The following LRIF1 variants were observed in gnomAD, a reference collection of about 807,000 sequenced individuals.
LRIF1 encodes the protein ligand-dependent nuclear receptor-interacting factor 1.
LRIF1 carries 32 observed loss-of-function variants against 52.7 expected under a neutral mutation model. The ratio of observed to expected loss-of-function variants is 0.61; its 90% CI spans 0.46 to 0.82. The LOEUF (loss-of-function observed/expected upper bound fraction) is 0.82. LRIF1 is among the 40% of genes least tolerant of loss of function. LRIF1 has a pLI of 0.00. For missense variants in LRIF1, 887 were observed against 892.0 expected, an observed-to-expected ratio of 0.99 and a Z score of 0.07; for synonymous variants, 323 against 317.4, an observed-to-expected ratio of 1.02 and a Z score of -0.19.
the LRIF1 span, chr1:110,937,546 C>G: frequency 6.6e-6 from 1 of 152,032 alleles, no homozygotes; most frequent in African/African-American, 2.4e-5. Flanking sequence ...AATGGAAACA[C>G]AACATACCAA....
the LRIF1 span, chr1:110,891,573 G>A: frequency 1.1e-5 from 9 of 853,118 alleles, no homozygotes; most frequent in East Asian, 2.0e-4. Flanking sequence ...ATGCATGCGT[G>A]TTTGGGTCAT....
chr1:110,892,446 G>A, the LRIF1 span: 8 of 1,614,030 alleles, frequency 5.0e-6, no homozygotes, highest in Non-Finnish European at 6.8e-6. Context: ...TGGGCAATGT[G>A]TTTGTCATCG....
intron 1 of LRIF1, among the ~76,000 whole-genome samples, chr1:110,954,054 A>G (rs1296634326): frequency 6.6e-6 from 1 of 152,168 alleles, no homozygotes; most frequent in Non-Finnish European, 1.5e-5. Context: ...GATCAAATAA[A>G]TACAAAAGTT....
At chr1:110,892,343 AG>A in the LRIF1 span, 4 of 1,612,968 alleles carry the variant, frequency 2.5e-6, no homozygotes, top group Non-Finnish European at 3.4e-6. Flanking sequence ...TCTTCCTTTC[AG>A]ATCTGTGGCT....
At position 110,951,559 on chromosome 1, in the gene LRIF1, G is replaced by A. The variant is rs753804783; in HGVS notation, c.1325C>T (p.Ala442Val). 2.5e-6 allele frequency: 4 copies of A among 1,614,110 alleles called. No homozygotes were observed. In the South Asian group the frequency reaches 4.4e-5, roughly 18 times the overall value. The change falls in exon 2 of 4, where the codon GCA becomes GTA. Residue 442 changes from alanine to valine, a missense_variant. Physicochemically the swap from Ala to Val is moderately conservative, Grantham distance 64 (BLOSUM62 0). Transcript: ENST00000369763. ...TGGTTTCTCCACTTTATTCTTCTCT[G>A]CCCTTAGATTGGCCATGGAAGCAAG... ...TQLASMANLR[A>V]EKNKVEKPSP...
the LRIF1 span, among the ~76,000 whole-genome samples, chr1:110,892,001 A>G: frequency 6.6e-6 from 1 of 152,236 alleles, no homozygotes; most frequent in Non-Finnish European, 1.5e-5. Context: ...CATCTTCTCT[A>G]CATGGTCATG....
chr1:110,930,428 G>A, the LRIF1 span, among the ~76,000 whole-genome samples: 5 of 152,148 alleles, frequency 3.3e-5, no homozygotes, highest in African/African-American at 9.7e-5. Flanking sequence ...CGTTTGTGGT[G>A]AGGGCTCTTT....
chr1:110,962,541 A>G (rs960603461), intron 1 of LRIF1, among the ~76,000 whole-genome samples: 1 of 152,218 alleles, frequency 6.6e-6, no homozygotes, highest in Non-Finnish European at 1.5e-5. Context: ...GTACAGAATT[A>G]AAGTTGTATG....
chr1:110,913,962 T>C, the LRIF1 span, among the ~76,000 whole-genome samples: 17 of 152,206 alleles, frequency 1.1e-4, no homozygotes, highest in African/African-American at 3.6e-4. Context: ...AACACAACCA[T>C]AAAAAAGAAC....
the LRIF1 span, among the ~76,000 whole-genome samples, chr1:110,879,764 C>T: frequency 2.6e-5 from 4 of 151,986 alleles, no homozygotes; most frequent in East Asian, 7.7e-4. Context: ...GACAGGGTCT[C>T]TCTATGTTGT....
the LRIF1 span, chr1:110,941,046 ATTAT>A: frequency 6.6e-6 from 1 of 152,042 alleles, no homozygotes; most frequent in Non-Finnish European, 1.5e-5. Flanking sequence ...TCATGATGTG[ATTAT>A]TTCTCATTAC....
At chr1:110,938,822 C>A in the LRIF1 span, 1 of 151,984 alleles carries the variant, frequency 6.6e-6, no homozygotes, top group East Asian at 1.9e-4. Flanking sequence ...AAGACTCCAC[C>A]AAAAAACTAT....
the LRIF1 span, among the ~76,000 whole-genome samples, chr1:110,921,281 A>G: frequency 6.6e-6 from 1 of 152,110 alleles, no homozygotes; most frequent in Non-Finnish European, 1.5e-5. Context: ...CAGAAATAGT[A>G]TGAATAACTT....
At chr1:110,877,446 T>C in the LRIF1 span, among the ~76,000 whole-genome samples, 4 of 152,222 alleles carry the variant, frequency 2.6e-5, no homozygotes, top group Non-Finnish European at 5.9e-5. Flanking sequence ...CTCTGGTCTC[T>C]TGACTCTGTA....
chr1:110,951,389 T>A lies in LRIF1; in HGVS notation c.1495A>T (p.Arg499Ter). ...PRKVTAVIYA[R>*]KGSVLQSIEK... ...ATGCTCTGGAGGACACTTCCTTTTC[T>A]AGCATAAATGACGGCTGTTACTTTT... Residue 499 changes from arginine to a stop codon, truncating the protein, a stop_gained, in exon 2 of 4, where the codon AGA becomes TGA. Coordinates refer to ENST00000369763, the MANE Select transcript of LRIF1 (RefSeq NM_018372.4). LOFTEE classifies it high-confidence loss of function. The A allele has an allele frequency of 1.2e-6, 2 of 1,614,164 alleles. No individual in the cohort carries two copies. The highest frequency in any genetic ancestry group is 8.5e-7 in the Non-Finnish European group (1 of 1,179,994).
the LRIF1 span, among the ~76,000 whole-genome samples, chr1:110,901,260 C>A: frequency 2.5e-3 from 384 of 152,140 alleles, 1 homozygote; most frequent in African/African-American, 8.9e-3. Flanking sequence ...TCACTGCAAC[C>A]TCCACCTCCT....
chr1:110,962,314 AAG>A, intron 1 of LRIF1, among the ~76,000 whole-genome samples: 1 of 152,214 alleles, frequency 6.6e-6, no homozygotes, highest in Non-Finnish European at 1.5e-5. Context: ...AAAAAGAAAA[AAG>A]AAAAAAACAC....
At position 110,957,434 on chromosome 1, in the gene LRIF1, G is replaced by A. The variant is rs565032726; in HGVS notation, c.69-4619C>T. 1.6e-4 allele frequency among the ~76,000 whole-genome samples: 19 copies of A among 117,788 alleles called. No homozygotes were observed. The South Asian group carries it at 1.9e-3, about 12-fold the overall frequency. The allele number at this position is 117,788 out of a possible 152,430, so 77.3% of individuals were successfully genotyped here. A position where few individuals can be genotyped will look rare whatever the true frequency, so the allele number is the denominator to read the frequency against. ...TGCAGTGAGCTGAGATCGCGCCACT[G>A]CACTCCAGCCTGGGCGACAAAGCAA... On this transcript the variant is annotated intron_variant, in intron 1 of 3. Transcript: ENST00000369763.
At chr1:110,914,613 T>C in the LRIF1 span, among the ~76,000 whole-genome samples, 2 of 151,956 alleles carry the variant, frequency 1.3e-5, no homozygotes, top group African/African-American at 4.8e-5. Flanking sequence ...ATTAGCTGGG[T>C]GTGGTGGCAG....
Sources: gnomAD v4.1 joint callset for allele counts (sites outside exome capture counted in the v4.1 genomes callset) on GRCh38, gnomAD v4.1.1 for gene constraint, MANE v1.5 for transcripts, NCBI Gene and HGNC (gene_info 2026-07-23, HGNC 2026-07-21) for gene names.